SCOC: variants seen among roughly 807,000 people sequenced by gnomAD.
SCOC encodes short coiled-coil protein, also known as short coiled coil protein.
SCOC carries 7 observed loss-of-function variants against 9.9 expected under a neutral mutation model. The ratio of observed to expected loss-of-function variants is 0.71; its 90% CI spans 0.40 to 1.33. The LOEUF is 1.33. Ranked by LOEUF, SCOC falls within the 40% of genes most tolerant of loss-of-function variation. The pLI, the probability that SCOC is intolerant of heterozygous loss-of-function variation, is 0.01. For missense variants in SCOC, 66 were observed against 89.7 expected, an observed-to-expected ratio of 0.74 and a Z score of 1.07; for synonymous variants, 19 against 28.2, an observed-to-expected ratio of 0.67 and a Z score of 1.03.
At chr4:140,297,400 A>T (rs1046408465) in intron 1 of SCOC, among the ~76,000 whole-genome samples, 5 of 152,156 alleles carry the variant, frequency 3.3e-5, no homozygotes, top group Non-Finnish European at 5.9e-5. Context: ...TTTTCATAAC[A>T]CAGAGTTGGC....
chr4:140,351,572 GCTT>G (rs1726980649), intron 2 of SCOC, among the ~76,000 whole-genome samples: 1 of 152,048 alleles, frequency 6.6e-6, no homozygotes, highest in Admixed American at 6.5e-5. Context: ...GTTGTAATAT[GCTT>G]CCCAGAGAAG....
intron 1 of SCOC, among the ~76,000 whole-genome samples, chr4:140,329,763 C>T (rs1437145443): frequency 1.3e-5 from 2 of 152,132 alleles, no homozygotes; most frequent in East Asian, 3.8e-4. Context: ...CCACCTCGCT[C>T]CTGCAAGTAT....
intron 1 of SCOC, among the ~76,000 whole-genome samples, chr4:140,265,677 G>A (rs1730717550): frequency 6.6e-6 from 1 of 152,222 alleles, no homozygotes; most frequent in Non-Finnish European, 1.5e-5. Context: ...CACAAGAGTA[G>A]ACTACAGTTT....
intron 2 of SCOC, among the ~76,000 whole-genome samples, chr4:140,349,347 C>T (rs1726879906): frequency 6.6e-6 from 1 of 152,146 alleles, no homozygotes; most frequent in Non-Finnish European, 1.5e-5. Context: ...ATTTTTTGTA[C>T]AATTTCCTGG....
intron 1 of SCOC, among the ~76,000 whole-genome samples, chr4:140,310,355 T>C (rs778884919): frequency 2.4e-4 from 37 of 152,228 alleles, no homozygotes; most frequent in Admixed American, 3.9e-4. Flanking sequence ...CTCTCCTGGA[T>C]AGCACTCTTC....
intron 2 of SCOC, among the ~76,000 whole-genome samples, chr4:140,363,662 C>T (rs995261193): frequency 2.6e-5 from 4 of 152,164 alleles, no homozygotes; most frequent in African/African-American, 9.7e-5. Context: ...TACTGTACTA[C>T]CATCATAATT....
intron 1 of SCOC, among the ~76,000 whole-genome samples, chr4:140,276,572 C>G (rs1730988859): frequency 6.6e-6 from 1 of 152,064 alleles, no homozygotes; most frequent in South Asian, 2.1e-4. Context: ...CTCTCTGCGT[C>G]AGCCTCCTAA....
chr4:140,346,251 A>C (rs944170768), intron 2 of SCOC, among the ~76,000 whole-genome samples: 11 of 152,146 alleles, frequency 7.2e-5, no homozygotes, highest in African/African-American at 2.7e-4. Flanking sequence ...TAAAAACTGT[A>C]AGGATTATAG....
chr4:140,367,504 C>T (rs1157928398), intron 2 of SCOC, among the ~76,000 whole-genome samples: 1 of 151,936 alleles, frequency 6.6e-6, no homozygotes, highest in African/African-American at 2.4e-5. Flanking sequence ...CTCAGCCTCC[C>T]GAGTAGCTGG....
At chr4:140,373,314 TC>T, upstream of SCOC, 2 of 1,393,014 alleles carry the variant, frequency 1.4e-6, no homozygotes, top group Non-Finnish European at 1.9e-6. Context: ...TTCCTGATTT[TC>T]CACACTGGGA....
At chr4:140,328,541 T>G (rs1253424244) in intron 1 of SCOC, among the ~76,000 whole-genome samples, 2 of 152,210 alleles carry the variant, frequency 1.3e-5, no homozygotes, top group Non-Finnish European at 2.9e-5. Context: ...GCTGCAATCC[T>G]GTAATTACAA....
chr4:140,291,109 G>A (rs1284809806), intron 1 of SCOC, among the ~76,000 whole-genome samples: 2 of 152,124 alleles, frequency 1.3e-5, no homozygotes, highest in Non-Finnish European at 2.9e-5. Flanking sequence ...GGACCTTATG[G>A]CCTGAGTGGC....
At chr4:140,315,361 C>T (rs951550003) in intron 1 of SCOC, among the ~76,000 whole-genome samples, 19 of 152,156 alleles carry the variant, frequency 1.2e-4, no homozygotes, top group African/African-American at 4.6e-4. Context: ...ATCTAATTCT[C>T]ACCACAACCC....
At chr4:140,326,926 C>A (rs1182659346) in intron 1 of SCOC, among the ~76,000 whole-genome samples, 1 of 152,162 alleles carries the variant, frequency 6.6e-6, no homozygotes, top group Non-Finnish European at 1.5e-5. Flanking sequence ...TGGAAGTGGG[C>A]AGCCATGATA....
At chr4:140,341,621 G>C (rs1323854336), upstream of SCOC, among the ~76,000 whole-genome samples, 3 of 152,102 alleles carry the variant, frequency 2.0e-5, no homozygotes, top group Non-Finnish European at 4.4e-5. Flanking sequence ...CTAAAATACT[G>C]GTCCATGATT....
intron 1 of SCOC, among the ~76,000 whole-genome samples, chr4:140,303,903 A>G (rs1731885293): frequency 6.6e-6 from 1 of 152,206 alleles, no homozygotes; most frequent in African/African-American, 2.4e-5. Flanking sequence ...TCCGTTACCT[A>G]CATACGATTT....
rs187065395 is a variant in SCOC, at chr4:140,305,288, C to T, written c.-18-38333C>T. Among the ~76,000 whole-genome samples, 18 of 152,260 alleles carry T rather than the reference C, an allele frequency of 1.2e-4. No individual in the cohort carries two copies. In the East Asian group the frequency reaches 2.1e-3, roughly 18 times the overall value. ...CATGCCGTCTTGACAAATAGGTATACGCCTAGTCTTTCTAGCTGAGGAAGT... is the reference window on the plus strand; with the variant it reads ...CATGCCGTCTTGACAAATAGGTATATGCCTAGTCTTTCTAGCTGAGGAAGT... On this transcript the variant is annotated intron_variant, in intron 1 of 4. Transcript: ENST00000394205.
chr4:140,278,304 C>CTT (rs576171237), intron 1 of SCOC, among the ~76,000 whole-genome samples: 31 of 143,216 alleles, frequency 2.2e-4, no homozygotes, highest in African/African-American at 7.6e-4. Context: ...TCTCTGAAGC[C>CTT]TTTTTTTTTT....
chr4:140,290,176 G>T (rs746280747), intron 1 of SCOC, among the ~76,000 whole-genome samples: 1 of 152,236 alleles, frequency 6.6e-6, no homozygotes, highest in Non-Finnish European at 1.5e-5. Context: ...TACTCTGGCT[G>T]CTGCAATTGT....
Sources: allele counts gnomAD v4.1 joint callset (sites outside exome capture counted in the v4.1 genomes callset), GRCh38; gene constraint gnomAD v4.1.1; transcripts MANE v1.5; gene names NCBI Gene and HGNC (gene_info 2026-07-23, HGNC 2026-07-21).